Variants in PARM1 observed in about 807,000 individuals in gnomAD.
PARM1 encodes the protein prostate androgen-regulated mucin-like protein 1.
Under a neutral mutation model 24.6 loss-of-function variants are expected in PARM1, and 14 were observed. The observed-to-expected ratio is 0.57, with a 90% CI of 0.38 to 0.89. The LOEUF (loss-of-function observed/expected upper bound fraction) is 0.89. Ranked by LOEUF, PARM1 falls within the 40% of genes least tolerant of loss-of-function variation. The pLI, the probability that PARM1 is intolerant of heterozygous loss-of-function variation, is 0.00. For missense variants in PARM1, 362 were observed against 380.4 expected, an observed-to-expected ratio of 0.95 and a Z score of 0.40; for synonymous variants, 179 against 156.6, an observed-to-expected ratio of 1.14 and a Z score of -1.07.
chr4:75,001,321 G>A (rs1194588320), intron 1 of PARM1, among the ~76,000 whole-genome samples: 1 of 152,174 alleles, frequency 6.6e-6, no homozygotes, highest in African/African-American at 2.4e-5. Flanking sequence ...AATACACATA[G>A]CAACAGAGGT....
chr4:75,002,192 G>T (rs1442908817), intron 1 of PARM1, among the ~76,000 whole-genome samples: 5 of 152,214 alleles, frequency 3.3e-5, no homozygotes, highest in African/African-American at 1.2e-4. Context: ...TAGGCTACAA[G>T]AGCAGCCTCA....
chr4:74,982,534 C>A (rs1363910740), intron 1 of PARM1, among the ~76,000 whole-genome samples: 2 of 152,016 alleles, frequency 1.3e-5, no homozygotes, highest in African/African-American at 2.4e-5. Flanking sequence ...ATTCAAGCAA[C>A]AAACTTTTTT....
At chr4:74,959,133 A>G (rs754657082) in intron 1 of PARM1, among the ~76,000 whole-genome samples, 1 of 152,228 alleles carries the variant, frequency 6.6e-6, no homozygotes, top group Non-Finnish European at 1.5e-5. Flanking sequence ...TTTTCATTTT[A>G]TTTAATTTAA....
chr4:74,939,568 C>T (rs1364377023), intron 1 of PARM1, among the ~76,000 whole-genome samples: 1 of 136,758 alleles, frequency 7.3e-6, no homozygotes, highest in Non-Finnish European at 1.6e-5. Flanking sequence ...AATTTCAGTG[C>T]TGTCTTTTGT....
At chr4:74,998,889 T>A (rs1351848507) in intron 1 of PARM1, among the ~76,000 whole-genome samples, 2 of 152,182 alleles carry the variant, frequency 1.3e-5, no homozygotes, top group African/African-American at 4.8e-5. Context: ...ACCCGAAGGC[T>A]CTCCTGGAGT....
At chr4:74,963,253 C>T (rs1357315709) in intron 1 of PARM1, among the ~76,000 whole-genome samples, 1 of 152,192 alleles carries the variant, frequency 6.6e-6, no homozygotes, top group Admixed American at 6.5e-5. Flanking sequence ...TAAATTTTAT[C>T]TTACATGGAT....
At chr4:74,983,106 A>G (rs1282957580) in intron 1 of PARM1, among the ~76,000 whole-genome samples, 1 of 152,218 alleles carries the variant, frequency 6.6e-6, no homozygotes, top group Non-Finnish European at 1.5e-5. Flanking sequence ...AATTAGAGGA[A>G]CTGATTACAA....
intron 1 of PARM1, among the ~76,000 whole-genome samples, chr4:75,001,496 G>A (rs113365811): frequency 1.2e-3 from 187 of 152,294 alleles, no homozygotes; most frequent in African/African-American, 4.4e-3. Flanking sequence ...GGACATGAGG[G>A]GGTGTTCCGG....
intron 1 of PARM1, among the ~76,000 whole-genome samples, chr4:74,942,716 A>G (rs1721335362): frequency 1.3e-5 from 2 of 152,138 alleles, no homozygotes; most frequent in Admixed American, 6.6e-5. Flanking sequence ...TCAAGCCACT[A>G]CTGTCTTTCT....
At chr4:75,027,067 A>G (rs2109804920) in intron 2 of PARM1, among the ~76,000 whole-genome samples, 1 of 152,032 alleles carries the variant, frequency 6.6e-6, no homozygotes, top group South Asian at 2.1e-4. Context: ...CTTCATTCCC[A>G]ACTCTTTCCA....
chr4:75,027,738 C>G (rs1723210247), intron 2 of PARM1, among the ~76,000 whole-genome samples: 1 of 152,212 alleles, frequency 6.6e-6, no homozygotes, highest in African/African-American at 2.4e-5. Context: ...CTGCTTCTAA[C>G]TAGCCCTCTT....
chr4:75,009,909 T>C (rs925761588), intron 1 of PARM1, among the ~76,000 whole-genome samples: 7 of 152,154 alleles, frequency 4.6e-5, no homozygotes, highest in African/African-American at 1.7e-4. Context: ...ACACTTCTCT[T>C]ATTGTGAAAG....
chr4:74,971,830 C>T (rs1335619161), intron 1 of PARM1, among the ~76,000 whole-genome samples: 1 of 152,170 alleles, frequency 6.6e-6, no homozygotes, highest in African/African-American at 2.4e-5. Flanking sequence ...AGTCTAGACT[C>T]TTCTTTCTAG....
chr4:75,002,284 G>T (rs1722695472), intron 1 of PARM1, among the ~76,000 whole-genome samples: 1 of 152,166 alleles, frequency 6.6e-6, no homozygotes, highest in African/African-American at 2.4e-5. Flanking sequence ...TTTGGGCTTT[G>T]TAAAATTCTG....
chr4:74,966,670 G>A (rs1721909293), intron 1 of PARM1: 1 of 152,214 alleles, frequency 6.6e-6, no homozygotes, highest in Non-Finnish European at 1.5e-5. Flanking sequence ...TCAAGGAGAG[G>A]GTCTTTGTCA....
chr4:74,978,823 T>C (rs953545947), intron 1 of PARM1, among the ~76,000 whole-genome samples: 1 of 152,012 alleles, frequency 6.6e-6, no homozygotes, highest in African/African-American at 2.4e-5. Context: ...AACCACACAA[T>C]TTCATCAAAA....
chr4:75,034,966 C>G (rs1455024029), intron 3 of PARM1: 1 of 152,524 alleles, frequency 6.6e-6, no homozygotes, highest in Non-Finnish European at 1.5e-5. Flanking sequence ...ACATCCCTCT[C>G]TCCCTCTGAA....
At chr4:75,045,254 G>T (rs1723577818) in intron 3 of PARM1, among the ~76,000 whole-genome samples, 1 of 152,164 alleles carries the variant, frequency 6.6e-6, no homozygotes, top group Admixed American at 6.5e-5. Context: ...ATAGCAGAGG[G>T]AGCAAGGGTC....
At chr4:74,976,954 G>C (rs1722151088) in intron 1 of PARM1, among the ~76,000 whole-genome samples, 1 of 152,044 alleles carries the variant, frequency 6.6e-6, no homozygotes, top group South Asian at 2.1e-4. Context: ...CTATCCAAAG[G>C]TCATCAGCCT....
Sources: gnomAD v4.1 joint callset for allele counts (sites outside exome capture counted in the v4.1 genomes callset) on GRCh38, gnomAD v4.1.1 for gene constraint, MANE v1.5 for transcripts, NCBI Gene and HGNC (gene_info 2026-07-23, HGNC 2026-07-21) for gene names.